Variants in TAFA5 observed in about 807,000 individuals in gnomAD.
The protein encoded by TAFA5 is chemokine-like protein TAFA-5.
TAFA5 carries 6 observed loss-of-function variants against 15.3 expected under a neutral mutation model. That is an observed-to-expected ratio of 0.39 (90% CI 0.21 to 0.77). TAFA5 has a LOEUF of 0.77. Ranked by LOEUF, TAFA5 falls within the 30% of genes least tolerant of loss-of-function variation. The pLI is 0.41. For missense variants in TAFA5, 161 were observed against 193.1 expected (o/e 0.83, Z 0.98); for synonymous variants, 103 against 80.7 (o/e 1.28, Z -1.48).
intron 1 of TAFA5, among the ~76,000 whole-genome samples, chr22:48,537,872 G>T (rs1471906850): frequency 1.3e-5 from 2 of 152,210 alleles, no homozygotes; most frequent in Non-Finnish European, 2.9e-5. Flanking sequence ...TCTGGCTGAT[G>T]GTGGGGATCA....
chr22:48,634,452 GTCACTCAC>G (rs1046993283), intron 1 of TAFA5, among the ~76,000 whole-genome samples: 1 of 151,096 alleles, frequency 6.6e-6, no homozygotes, highest in African/African-American at 2.4e-5. Flanking sequence ...AACTCATTTA[GTCACTCAC>G]TCATTCACTC....
chr22:48,749,596 G>T (rs1281596061), intron 3 of TAFA5, among the ~76,000 whole-genome samples: 1 of 152,180 alleles, frequency 6.6e-6, no homozygotes, highest in African/African-American at 2.4e-5. Context: ...GGCCGAGGCT[G>T]ACAGCCCCTC....
At chr22:48,529,889 A>C (rs542574081) in intron 1 of TAFA5, among the ~76,000 whole-genome samples, 166 of 152,176 alleles carry the variant, frequency 1.1e-3, no homozygotes, top group Non-Finnish European at 2.1e-3. Flanking sequence ...TGTGGAGGAA[A>C]ACTCTGGAAG....
intron 2 of TAFA5, among the ~76,000 whole-genome samples, chr22:48,668,367 A>G (rs111359845): frequency 5.8e-5 from 1 of 17,250 alleles, no homozygotes; most frequent in Non-Finnish European, 8.4e-5. Flanking sequence ...CCCAGCACTC[A>G]GGGCCGCGTC....
intron 3 of TAFA5, among the ~76,000 whole-genome samples, chr22:48,730,963 G>A (rs531229681): frequency 1.3e-5 from 2 of 152,332 alleles, no homozygotes; most frequent in South Asian, 2.1e-4. Context: ...TGAGGAAGGC[G>A]TGTCGAAAGC....
intron 1 of TAFA5, among the ~76,000 whole-genome samples, chr22:48,620,702 T>C (rs186449004): frequency 1.4e-3 from 3 of 2,180 alleles, no homozygotes; most frequent in Non-Finnish European, 1.8e-3. Flanking sequence ...CTCACCCCCA[T>C]ACCCATCCTA....
chr22:48,521,033 G>A (rs111527263), intron 1 of TAFA5, among the ~76,000 whole-genome samples: 136 of 152,302 alleles, frequency 8.9e-4, no homozygotes, highest in Middle Eastern at 3.4e-3. Flanking sequence ...GGATGTGTGC[G>A]TGGGAGGCTG....
At chr22:48,553,608 T>G (rs1922931752) in intron 1 of TAFA5, among the ~76,000 whole-genome samples, 1 of 152,132 alleles carries the variant, frequency 6.6e-6, no homozygotes, top group Admixed American at 6.5e-5. Context: ...TGTCCTTGAC[T>G]CTGTCCCCCA....
chr22:48,584,598 A>C (rs888259827), intron 1 of TAFA5, among the ~76,000 whole-genome samples: 2 of 147,648 alleles, frequency 1.4e-5, no homozygotes, highest in Non-Finnish European at 3.0e-5. Context: ...CCTCACACAC[A>C]CCACACCACA....
chr22:48,570,506 C>T (rs966462773), intron 1 of TAFA5, among the ~76,000 whole-genome samples: 25 of 152,310 alleles, frequency 1.6e-4, no homozygotes. Flanking sequence ...TCTTTCTTAC[C>T]CAGCCTGGCC....
chr22:48,703,064 C>T (rs1928963622), intron 2 of TAFA5, among the ~76,000 whole-genome samples: 1 of 152,156 alleles, frequency 6.6e-6, no homozygotes, highest in African/African-American at 2.4e-5. Context: ...TGTGTGCATG[C>T]ATGTGTGTGC....
rs1409871938 is a variant in TAFA5, at chr22:48,646,455, G to C, written c.113-142G>C. ...TGCTGGCAGCCTTCGAGGTGCTTTCGGACGCTCCCTCTGAGTGAAGCGGTC... is the reference window on the plus strand; with the variant it reads ...TGCTGGCAGCCTTCGAGGTGCTTTCCGACGCTCCCTCTGAGTGAAGCGGTC... On this transcript the variant is annotated intron_variant, in intron 1 of 3. Coordinates refer to ENST00000402357, the MANE Select transcript of TAFA5 (RefSeq NM_001082967.3). 1.9e-5 allele frequency: 21 copies of C among 1,080,196 alleles called. No homozygotes were observed. The Admixed American group carries it at 5.9e-4, about 30-fold the overall frequency. 66.9% of individuals were successfully genotyped at this position (1,080,196 alleles called of 1,614,324 possible). A position where few individuals can be genotyped will look rare whatever the true frequency, so the allele number is the denominator to read the frequency against.
intron 3 of TAFA5, 144 bp from the exon 4 acceptor site, chr22:48,749,695 C>T (rs1930425662): frequency 1.2e-6 from 1 of 857,816 alleles, no homozygotes; most frequent in African/African-American, 1.7e-5. Flanking sequence ...GGATGTCCCT[C>T]ACAGCACTGA....
intron 1 of TAFA5, among the ~76,000 whole-genome samples, chr22:48,499,298 T>G (rs575707632): frequency 2.0e-5 from 3 of 152,104 alleles, no homozygotes; most frequent in Non-Finnish European, 4.4e-5. Context: ...CATCAGCCTT[T>G]CCCCTCATCT....
intron 1 of TAFA5, chr22:48,544,691 T>C: frequency 4.2e-6 from 2 of 471,344 alleles, no homozygotes; most frequent in Non-Finnish European, 8.8e-6. Context: ...GCTGTGTCCC[T>C]GCGTGCCCGC....
chr22:48,528,725 G>A (rs930577865), intron 1 of TAFA5, among the ~76,000 whole-genome samples: 1 of 152,236 alleles, frequency 6.6e-6, no homozygotes, highest in Non-Finnish European at 1.5e-5. Flanking sequence ...GGAACACCCT[G>A]GAAGCGGAGT....
Position 48,749,965 on chromosome 22 carries a change from G to T in TAFA5, c.*118G>T. On this transcript the variant is annotated 3_prime_UTR_variant, in exon 4 of 4. Coordinates refer to ENST00000402357, the MANE Select transcript of TAFA5 (RefSeq NM_001082967.3). ...CCGTTCTCTGCCGCCCGCCCACTCC[G>T]TTTCCCTGTGGTCCGTGAAGGACGG... 2.0e-6 allele frequency: 2 copies of T among 1,015,278 alleles called. No homozygotes were observed. Among genetic ancestry groups the T allele is most frequent in the Non-Finnish European group, 1.5e-6 (1 of 674,888 alleles). 62.9% of individuals were successfully genotyped at this position (1,015,278 alleles called of 1,614,324 possible). A position where few individuals can be genotyped will look rare whatever the true frequency, so the allele number is the denominator to read the frequency against.
intron 3 of TAFA5, among the ~76,000 whole-genome samples, chr22:48,709,059 C>T (rs148607222): frequency 1.9e-3 from 294 of 152,278 alleles, no homozygotes; most frequent in African/African-American, 6.2e-3. Context: ...ATGGGCAAGG[C>T]GGCACTCCAA....
intron 1 of TAFA5, among the ~76,000 whole-genome samples, chr22:48,562,272 G>A (rs1923258518): frequency 6.6e-6 from 1 of 151,764 alleles, no homozygotes; most frequent in Non-Finnish European, 1.5e-5. Flanking sequence ...TGAGTAGCTG[G>A]GACTACAGGC....
Sources: gnomAD v4.1 joint callset for allele counts (sites outside exome capture counted in the v4.1 genomes callset) on GRCh38, gnomAD v4.1.1 for gene constraint, MANE v1.5 for transcripts, NCBI Gene and HGNC (gene_info 2026-07-23, HGNC 2026-07-21) for gene names.